KIF26B: variants seen among roughly 807,000 people sequenced by gnomAD.
KIF26B encodes kinesin-like protein KIF26B.
Under a neutral mutation model 151.2 loss-of-function variants are expected in KIF26B, and 63 were observed. The observed-to-expected ratio is 0.42, with a 90% CI of 0.34 to 0.51. KIF26B has a LOEUF of 0.51. Among genes scored for constraint, KIF26B ranks in the 20% least tolerant of loss-of-function variants. The probability of loss-of-function intolerance (pLI) is 0.07; values close to 1 mark genes in which losing one functional copy is unlikely to be tolerated. For synonymous variants in KIF26B, 1,357 were observed against 1,262.1 expected (o/e 1.08, Z -1.59); for missense variants, 2,813 against 2,913.6 (o/e 0.97, Z 0.79).
At chr1:245,178,311 GC>G (rs142127943) in intron 2 of KIF26B, among the ~76,000 whole-genome samples, 1 of 152,242 alleles carries the variant, frequency 6.6e-6, no homozygotes, top group African/African-American at 2.4e-5. Flanking sequence ...TGGGTTTGGG[GC>G]TGTATTTTAA....
intron 3 of KIF26B, among the ~76,000 whole-genome samples, chr1:245,381,416 G>T (rs1673405946): frequency 1.3e-5 from 2 of 152,286 alleles, no homozygotes; most frequent in South Asian, 4.2e-4. Flanking sequence ...TCTACATGAG[G>T]CCCAGGATGG....
At chr1:245,423,871 C>T (rs1045505021) in intron 4 of KIF26B, among the ~76,000 whole-genome samples, 3 of 152,038 alleles carry the variant, frequency 2.0e-5, no homozygotes, top group African/African-American at 7.2e-5. Context: ...CAGAATCTCA[C>T]TCTATTACCC....
At chr1:245,308,760 T>C (rs985531372) in intron 2 of KIF26B, among the ~76,000 whole-genome samples, 1 of 151,568 alleles carries the variant, frequency 6.6e-6, no homozygotes, top group African/African-American at 2.4e-5. Flanking sequence ...AACAAAAACA[T>C]GAATGGAACA....
chr1:245,474,758 C>A (rs1659996602), intron 4 of KIF26B, among the ~76,000 whole-genome samples: 1 of 151,728 alleles, frequency 6.6e-6, no homozygotes, highest in African/African-American at 2.4e-5. Context: ...ATACTTGTAC[C>A]CACTAAACAA....
At chr1:245,691,516 T>G (rs2044626618) in intron 12 of KIF26B, among the ~76,000 whole-genome samples, 1 of 152,202 alleles carries the variant, frequency 6.6e-6, no homozygotes, top group African/African-American at 2.4e-5. Flanking sequence ...CTTGTCTGGC[T>G]TATTTATGAT....
At chr1:245,591,901 G>T (rs1410690292) in intron 5 of KIF26B, among the ~76,000 whole-genome samples, 1 of 152,178 alleles carries the variant, frequency 6.6e-6, no homozygotes, top group African/African-American at 2.4e-5. Flanking sequence ...CCCCAAGCCT[G>T]CCGGCCATTA....
At chr1:245,651,880 C>T (rs772878945) in intron 10 of KIF26B, among the ~76,000 whole-genome samples, 11 of 152,158 alleles carry the variant, frequency 7.2e-5, no homozygotes, top group Non-Finnish European at 1.3e-4. Context: ...TCCACGAAAC[C>T]TGTCCCTGGT....
In KIF26B at chr1:245,155,274, G is replaced by C. The variant is rs1573676035; in HGVS notation, c.-151G>C. The C allele has an allele frequency of 1.5e-6, 1 of 671,672 alleles. No individual in the cohort carries two copies. The highest frequency in any genetic ancestry group is 2.8e-5 in the East Asian group (1 of 35,626). 41.6% of individuals were successfully genotyped at this position (671,672 alleles called of 1,614,324 possible). On this transcript the variant is annotated 5_prime_UTR_variant, in exon 1 of 15. Transcript: ENST00000407071. ...GTGCTATTACTTGTGGGATCCATTT[G>C]CTTTCATTCCCTCCCACCCCACCGC...
chr1:245,527,744 A>G (rs906111457), intron 4 of KIF26B, among the ~76,000 whole-genome samples: 9 of 151,754 alleles, frequency 5.9e-5, no homozygotes, highest in Non-Finnish European at 1.0e-4. Context: ...CGCATTAGCC[A>G]GGATGGTCTC....
intron 2 of KIF26B, among the ~76,000 whole-genome samples, chr1:245,329,189 A>G (rs1309155367): frequency 6.6e-6 from 1 of 152,180 alleles, no homozygotes; most frequent in Admixed American, 6.5e-5. Context: ...CCTAGAGACT[A>G]TTTCCAAAGT....
In KIF26B at chr1:245,557,725, C is replaced by A. The variant is rs138846500; in HGVS notation, c.1350+16775C>A. On this transcript the variant is annotated intron_variant, in intron 5 of 14. Coordinates refer to ENST00000407071, the MANE Select transcript of KIF26B (RefSeq NM_018012.4). The stretch of plus-strand genomic sequence containing the variant: ...AGGTGAGGTGAGTCCATATTTAGGT[C>A]TCCAGCTAGGATTTAAACCTATAAG... Among the ~76,000 whole-genome samples the A allele has an allele frequency of 9.0e-4, 137 of 152,258 alleles. 2 individuals carry two copies. The highest frequency in any genetic ancestry group is 3.3e-3 in the African/African-American group (137 of 41,550).
At chr1:245,531,671 T>C (rs1661364456) in intron 4 of KIF26B, among the ~76,000 whole-genome samples, 1 of 152,184 alleles carries the variant, frequency 6.6e-6, no homozygotes, top group East Asian at 1.9e-4. Context: ...TCTGCGCCTA[T>C]AGAAGAAAGT....
intron 4 of KIF26B, among the ~76,000 whole-genome samples, chr1:245,526,981 T>A (rs1035870264): frequency 6.6e-6 from 1 of 152,334 alleles, no homozygotes; most frequent in Non-Finnish European, 1.5e-5. Context: ...TATCAAACGG[T>A]GAAGGAAGAT....
intron 2 of KIF26B, among the ~76,000 whole-genome samples, chr1:245,246,944 C>CAG (rs1384907063): frequency 6.9e-6 from 1 of 145,426 alleles, no homozygotes; most frequent in African/African-American, 2.5e-5. Context: ...CACACAGATA[C>CAG]AGACACACAC....
chr1:245,665,967 T>C (rs2044209004), intron 10 of KIF26B, among the ~76,000 whole-genome samples: 1 of 150,592 alleles, frequency 6.6e-6, no homozygotes, highest in Non-Finnish European at 1.5e-5. Flanking sequence ...ATTACAGGCA[T>C]GAGCCACTGC....
At position 245,530,026 on chromosome 1, in the gene KIF26B, G is replaced by T. The variant is rs180890108; in HGVS notation, c.1167-10741G>T. ...TAAAAATGGGCAAAAGATCTGAATAGACATTTCTCGAAAGAAGACATACAA... is the reference window on the plus strand; with the variant it reads ...TAAAAATGGGCAAAAGATCTGAATATACATTTCTCGAAAGAAGACATACAA... On this transcript the variant is annotated intron_variant, in intron 4 of 14. Transcript: ENST00000407071. Among the ~76,000 whole-genome samples, 736 of 152,272 alleles carry T rather than the reference G, an allele frequency of 4.8e-3. 13 individuals are homozygous for T. Among genetic ancestry groups the T allele is most frequent in the South Asian group, 0.041 (199 of 4,828 alleles).
chr1:245,319,815 A>T (rs6677029), intron 2 of KIF26B, among the ~76,000 whole-genome samples: 140 of 152,318 alleles, frequency 9.2e-4, no homozygotes, highest in African/African-American at 3.3e-3. Context: ...CAGTGCAGCC[A>T]TGTGGCTTGG....
intron 4 of KIF26B, among the ~76,000 whole-genome samples, chr1:245,483,274 TG>T (rs1660207009): frequency 6.6e-6 from 1 of 151,904 alleles, no homozygotes; most frequent in Admixed American, 6.6e-5. Flanking sequence ...AGGCATGTGC[TG>T]GGTGCACCAT....
At chr1:245,322,332 T>C (rs1375796728) in intron 2 of KIF26B, among the ~76,000 whole-genome samples, 1 of 152,128 alleles carries the variant, frequency 6.6e-6, no homozygotes, top group East Asian at 1.9e-4. Flanking sequence ...GGCACATGTA[T>C]ACCTATGTAA....
Sources: allele counts gnomAD v4.1 joint callset (sites outside exome capture counted in the v4.1 genomes callset), GRCh38; gene constraint gnomAD v4.1.1; transcripts MANE v1.5; gene names NCBI Gene and HGNC (gene_info 2026-07-23, HGNC 2026-07-21).